ALPK3: variants seen among roughly 807,000 people sequenced by gnomAD.
The protein encoded by ALPK3 is alpha-protein kinase 3.
Under a neutral mutation model 140.0 loss-of-function variants are expected in ALPK3, and 102 were observed. The observed-to-expected ratio is 0.73, with a 90% CI of 0.62 to 0.86. ALPK3 has a LOEUF of 0.86. Among genes scored for constraint, ALPK3 ranks in the 40% least tolerant of loss-of-function variants. The probability of loss-of-function intolerance (pLI) is 0.00; values close to 1 mark genes in which losing one functional copy is unlikely to be tolerated. For synonymous variants in ALPK3, 938 were observed against 898.5 expected (o/e 1.04, Z -0.79); for missense variants, 2,254 against 2,208.2 (o/e 1.02, Z -0.42).
chr15:84,835,116 C>G (rs1257789172), intron 3 of ALPK3, among the ~76,000 whole-genome samples: 1 of 152,178 alleles, frequency 6.6e-6, no homozygotes, highest in African/African-American at 2.4e-5. Context: ...GACTCAGATG[C>G]CCTGGAGACT....
intron 1 of ALPK3, among the ~76,000 whole-genome samples, chr15:84,821,501 G>T (rs1419127260): frequency 6.6e-6 from 1 of 152,242 alleles, no homozygotes. Context: ...AAAGGATGGA[G>T]TTGGCCAGTG....
At chr15:84,865,428 C>T (rs1483700057) in intron 12 of ALPK3, among the ~76,000 whole-genome samples, 3 of 151,770 alleles carry the variant, frequency 2.0e-5, no homozygotes, top group East Asian at 3.9e-4. Flanking sequence ...TTAAATTGTA[C>T]GATAATTATT....
rs1309761473 is a variant in ALPK3, at chr15:84,856,659, G to A, written c.1921G>A (p.Val641Met). 1 of 1,614,104 alleles carries A rather than the reference G, an allele frequency of 6.2e-7. No homozygotes were observed. ...QRTRADRKTQ[V>M]DAGTQESKRP... The stretch of plus-strand genomic sequence containing the variant: ...GACACGTGCAGATAGGAAGACGCAG[G>A]TGGATGCTGGGACACAAGAAAGCAA... Residue 641 changes from valine to methionine, a missense_variant, in exon 6 of 14, where the codon GTG (valine) becomes ATG (methionine). Physicochemically the swap from Val to Met is conservative, Grantham distance 21. Coordinates refer to ENST00000258888, the MANE Select transcript of ALPK3 (RefSeq NM_020778.5).
Position 84,857,887 on chromosome 15 carries a change from C to A in ALPK3, c.3149C>A (p.Ala1050Asp). The A allele has an allele frequency of 6.2e-7, 1 of 1,612,402 alleles. No homozygotes were observed. ...LTGLLDREVQ[A>D]GRQALAAARG... ...GGCCTCCTGGACCGTGAGGTGCAGG[C>A]TGGCCGCCAGGCCCTTGCTGCTGCC... The change falls in exon 6 of 14, where the codon GCT becomes GAT. Residue 1050 changes from alanine to aspartate, a missense_variant. This residue lies in a region of ALPK3 where 2,088 missense variants were observed against 2,022.9 expected (regional missense o/e 1.03). Coordinates refer to ENST00000258888, the MANE Select transcript of ALPK3 (RefSeq NM_020778.5).
intron 1 of ALPK3, among the ~76,000 whole-genome samples, chr15:84,821,479 T>A (rs1271727379): frequency 1.3e-5 from 2 of 152,112 alleles, no homozygotes; most frequent in Non-Finnish European, 2.9e-5. Context: ...ACAAATGAAA[T>A]TTATGGTCAG....
chr15:84,825,245 C>T (rs1162449628), intron 2 of ALPK3, among the ~76,000 whole-genome samples: 6 of 151,742 alleles, frequency 4.0e-5, no homozygotes, highest in Non-Finnish European at 5.9e-5. Context: ...GGCGTGATCT[C>T]GGCTCACTGC....
Position 84,859,193 on chromosome 15 carries a change from A to T in ALPK3, c.3818-50A>T, listed in dbSNP as rs776950633. On this transcript the variant is annotated intron_variant, in intron 6 of 13. Transcript: ENST00000258888. ...CAAGGACACCCAGGAGAGCAAGGAT[A>T]TGGCCAGAGGAGAGGTGGTGTTCCC... 1.9e-5 allele frequency: 31 copies of T among 1,609,670 alleles called. No individual in the cohort carries two copies. In the Admixed American group the frequency reaches 5.2e-4, roughly 27 times the overall value.
At position 84,859,861 on chromosome 15, in the gene ALPK3, G is replaced by A. The variant is rs1370350518; in HGVS notation, c.4051G>A (p.Glu1351Lys). 6 of 1,613,930 alleles carry A rather than the reference G, an allele frequency of 3.7e-6. No homozygotes were observed. Among genetic ancestry groups the A allele is most frequent in the Non-Finnish European group, 5.1e-6 (6 of 1,180,044 alleles). ...TGTGTATCGGTGCACCATCCACAAT[G>A]AGCACGGCTCGGCCTCCACCGACTT... The part of the protein sequence containing the change: ...CGVYRCTIHN[E>K]HGSASTDFCL... The change falls in exon 8 of 14, where the codon GAG (glutamate) becomes AAG (lysine). Residue 1351 changes from glutamate (E) to lysine (K), a missense_variant. By Grantham distance (56) the Glu-to-Lys change is moderately conservative. Transcript: ENST00000258888.
rs748617763 is a variant in ALPK3, at chr15:84,858,572, G to A, written c.3817+17G>A. Reference sequence around the variant, plus strand: ...TGCTGAAAGGTGAGCAGTGGGGAGGGAGAGGGATGGCTTCACAGGACAGGG... The same window carrying A: ...TGCTGAAAGGTGAGCAGTGGGGAGGAAGAGGGATGGCTTCACAGGACAGGG... On this transcript the variant is annotated intron_variant, in intron 6 of 13. Transcript: ENST00000258888. 7 of 1,561,370 alleles carry A rather than the reference G, an allele frequency of 4.5e-6. No homozygotes were observed. The highest frequency in any genetic ancestry group is 3.4e-6 in the Non-Finnish European group (4 of 1,162,544).
Position 84,840,814 on chromosome 15 carries a change from G to A in ALPK3, c.1535G>A (p.Ser512Asn). Residue 512 changes from serine (S) to asparagine (N), a missense_variant, in exon 5 of 14, where the codon AGC becomes AAC. Coordinates refer to ENST00000258888, the MANE Select transcript of ALPK3 (RefSeq NM_020778.5). Reference protein sequence around the residue: ...LSQAPECGAQSLGKAPPQASV... With the variant: ...LSQAPECGAQNLGKAPPQASV... ...CAAGCTCCAGAATGCGGGGCCCAGA[G>A]CTTAGGAAAGGCCCCACCTCAGGCC... is the stretch of plus-strand genomic sequence containing the variant. 6.2e-7 allele frequency: 1 copy of A among 1,614,242 alleles called. No individual in the cohort carries two copies. Among genetic ancestry groups the A allele is most frequent in the African/African-American group, 1.3e-5 (1 of 75,066 alleles).
rs199640850 is a variant in ALPK3, at chr15:84,858,082, T to C, written c.3344T>C (p.Leu1115Pro). The change falls in exon 6 of 14, where the codon CTG (leucine) becomes CCG (proline). Residue 1115 changes from leucine (L) to proline (P), a missense_variant. Coordinates refer to ENST00000258888, the MANE Select transcript of ALPK3 (RefSeq NM_020778.5). ...CAGGAGAGCAGCATGGCTGGTCGAC[T>C]GGGGGAGGCGGGTGGGCAGGCAGCC... ...ASQESSMAGRLGEAGGQAAPG... is the reference protein window; with the variant it reads ...ASQESSMAGRPGEAGGQAAPG... The C allele has an allele frequency of 6.4e-5, 101 of 1,567,690 alleles. No individual in the cohort carries two copies. The highest frequency in any genetic ancestry group is 9.5e-6 in the Non-Finnish European group (11 of 1,160,602).
Position 84,840,692 on chromosome 15 carries a change from C to T in ALPK3, c.1413C>T (p.Thr471=), listed in dbSNP as rs1963652701. ...GAPGQPTHSL[T]PQPTRPFNRK... is the part of the protein sequence containing the mutation. ...CTGGCCAGCCCACACACTCCTTGAC[C>T]CCCCAGCCGACTAGGCCTTTCAACA... The change falls in exon 5 of 14, where the codon ACC becomes ACT. Residue 471 remains threonine, a synonymous_variant. Transcript: ENST00000258888. The T allele has an allele frequency of 1.2e-6, 2 of 1,607,688 alleles. No homozygotes were observed. The highest frequency in any genetic ancestry group is 1.7e-6 in the Non-Finnish European group (2 of 1,176,940).
Position 84,840,518 on chromosome 15 carries a change from C to T in ALPK3, c.1239C>T (p.Phe413=). Residue 413 remains phenylalanine, a synonymous_variant, in exon 5 of 14, where the codon TTC becomes TTT. Transcript: ENST00000258888. ...CAGGCCCAGGCCAGGAAGTGTATTT[C>T]TCCTTGAAGGACATGTACCTGGAGA... The part of the protein sequence containing the change: ...PGPGPGQEVY[F]SLKDMYLENT... 1 of 1,610,644 alleles carries T rather than the reference C, an allele frequency of 6.2e-7. No homozygotes were observed. The highest frequency in any genetic ancestry group is 8.5e-7 in the Non-Finnish European group (1 of 1,178,888).
In ALPK3 at chr15:84,872,309, A is replaced by C. The variant is rs1228393086; in HGVS notation, c.*3853A>C. 1 of 152,160 alleles carries C rather than the reference A, an allele frequency of 6.6e-6. No individual in the cohort carries two copies. Among genetic ancestry groups the C allele is most frequent in the Non-Finnish European group, 1.5e-5 (1 of 68,048 alleles). 9.4% of individuals were successfully genotyped at this position (152,160 alleles called of 1,614,324 possible). On this transcript the variant is annotated 3_prime_UTR_variant, in exon 14 of 14. Coordinates refer to ENST00000258888, the MANE Select transcript of ALPK3 (RefSeq NM_020778.5). ...TCCAAATCCTGGGTTCCCGTATCAT[A>C]TTTTCTTGTCAGGACTTACCGCAAG...
At chr15:84,859,715 G>T in intron 7 of ALPK3, 61 bp from the exon 8 acceptor site, 2 of 1,541,642 alleles carry the variant, frequency 1.3e-6, no homozygotes, top group Admixed American at 1.9e-5. Context: ...GTCCAAGGAC[G>T]CTTAGGACCA....
rs1166989990 is a variant in ALPK3 at position 84,857,483 on chromosome 15, G to T, written c.2745G>T (p.Gly915=). The part of the protein sequence containing the change: ...LMSSAPTLHL[G]LGTPTQSHPP... ...GTTCTGCCCCAACACTGCACCTGGGGCTGGGGACCCCCACTCAGAGTCACC... is the reference window on the plus strand; with the variant it reads ...GTTCTGCCCCAACACTGCACCTGGGTCTGGGGACCCCCACTCAGAGTCACC... The change falls in exon 6 of 14, where the codon GGG becomes GGT. Residue 915 remains glycine (G), a synonymous_variant. Transcript: ENST00000258888. 2 of 1,607,054 alleles carry T rather than the reference G, an allele frequency of 1.2e-6. No individual in the cohort carries two copies. The highest frequency in any genetic ancestry group is 1.7e-6 in the Non-Finnish European group (2 of 1,175,694).
At chr15:84,859,748 C>A (rs1303220010) in intron 7 of ALPK3, 28 bp from the exon 8 acceptor site, 2 of 1,598,544 alleles carry the variant, frequency 1.3e-6, no homozygotes, top group Non-Finnish European at 8.5e-7. Flanking sequence ...ATGCCATGGC[C>A]CTCACGAGTA....
intron 7 of ALPK3, 76 bp from the exon 8 acceptor site, chr15:84,859,700 G>A (rs1306405933): frequency 4.0e-6 from 6 of 1,496,560 alleles, no homozygotes; most frequent in Non-Finnish European, 5.3e-6. Context: ...GCCTCTGAGA[G>A]TGGGGTCCAA....
chr15:84,856,898 G>A lies in ALPK3; in HGVS notation c.2160G>A (p.Met720Ile), dbSNP rs772439697. The A allele has an allele frequency of 6.2e-7, 1 of 1,614,004 alleles. No homozygotes were observed. Among genetic ancestry groups the A allele is most frequent in the East Asian group, 2.2e-5 (1 of 44,868 alleles). Residue 720 changes from methionine (M) to isoleucine (I), a missense_variant, in exon 6 of 14, where the codon ATG (methionine) becomes ATA (isoleucine). Coordinates refer to ENST00000258888, the MANE Select transcript of ALPK3 (RefSeq NM_020778.5). ...CAGAGGGGAGCGCGCCCACAGCCAT[G>A]GAAGGTCAGTCTGAGCAAGAGGTGG... ...TQSEGSAPTA[M>I]EGQSEQEVAT... is the part of the protein sequence containing the mutation.
Sources: allele counts gnomAD v4.1 joint callset (sites outside exome capture counted in the v4.1 genomes callset), GRCh38; gene constraint gnomAD v4.1.1; regional missense constraint gnomAD v4.1.1; transcripts MANE v1.5; gene names NCBI Gene and HGNC (gene_info 2026-07-23, HGNC 2026-07-21).